The following ZBTB48 variants were observed in gnomAD, a reference collection of about 807,000 sequenced individuals.
The protein encoded by ZBTB48 is zinc finger and BTB domain-containing protein 48.
A neutral mutation model predicts 64.5 loss-of-function variants in ZBTB48; 35 were observed. That is an observed-to-expected ratio of 0.54 (90% CI 0.41 to 0.72). The LOEUF is 0.72. Among genes scored for constraint, ZBTB48 ranks in the 30% least tolerant of loss-of-function variants. ZBTB48 has a pLI of 0.00. For synonymous variants in ZBTB48, 442 were observed against 356.7 expected (o/e 1.24, Z -2.70); for missense variants, 828 against 895.3 (o/e 0.92, Z 0.96).
At position 6,588,550 on chromosome 1, in the gene ZBTB48, GT is replaced by G. The variant is rs1371972589; in HGVS notation, c.1681+110del. Reference sequence around the variant, plus strand: ...GTGAACCTCTTTTGTGCCCCACATGGTTAGAGTTGAGAGTGGACCTGCTTTG... The same window carrying G: ...GTGAACCTCTTTTGTGCCCCACATGGTAGAGTTGAGAGTGGACCTGCTTTG... On this transcript the variant is annotated intron_variant, in intron 9 of 10. Transcript: ENST00000377674. The G allele has an allele frequency of 1.1e-5, 16 of 1,450,702 alleles. No individual in the cohort carries two copies. In the East Asian group the frequency reaches 3.7e-4, roughly 34 times the overall value. The allele number at this position is 1,450,702 out of a possible 1,614,324, so 89.9% of individuals were successfully genotyped here.
At chr1:6,581,547 C>G (rs771798307) in intron 2 of ZBTB48, among the ~76,000 whole-genome samples, 1 of 151,854 alleles carries the variant, frequency 6.6e-6, no homozygotes, top group Non-Finnish European at 1.5e-5. Flanking sequence ...ACCTGTAGTC[C>G]TAGCTACTCA....
In ZBTB48 at chr1:6,584,579, C is replaced by A. The variant is rs1640593423; in HGVS notation, c.933-1340C>A. Among the ~76,000 whole-genome samples the A allele has an allele frequency of 6.6e-6, 1 of 152,264 alleles. No individual in the cohort carries two copies. The highest frequency in any genetic ancestry group is 1.5e-5 in the Non-Finnish European group (1 of 68,048). Reference sequence around the variant, plus strand: ...CTGTCCCTGTGCACCGTGTTCAGGGCAGCTGCTGCCAGTGGAATGCTGGGA... The same window carrying A: ...CTGTCCCTGTGCACCGTGTTCAGGGAAGCTGCTGCCAGTGGAATGCTGGGA... On this transcript the variant is annotated intron_variant, in intron 3 of 10. Transcript: ENST00000377674. The surrounding 1 kb of genome is among the most constrained non-coding windows in gnomAD (Gnocchi z 4.5).
rs564121615 is a variant in ZBTB48 at position 6,580,201 on chromosome 1, C to T, written c.-70+65C>T. ...CCGCCGTGGCTGCCTTCCGCTCGGC[C>T]GCTCGGGACCTGTGGGCGCGGCGTG... On this transcript the variant is annotated intron_variant, in intron 1 of 10. Coordinates refer to ENST00000377674, the MANE Select transcript of ZBTB48 (RefSeq NM_005341.4). The surrounding 1 kb of genome is among the most constrained non-coding windows in gnomAD (Gnocchi z 5.2). 451 of 197,854 alleles carry T rather than the reference C, an allele frequency of 2.3e-3. 1 individual carries two copies. The highest frequency in any genetic ancestry group is 8.8e-3 in the African/African-American group (373 of 42,318). The allele number at this position is 197,854 out of a possible 1,614,324, so 12.3% of individuals were successfully genotyped here.
At chr1:6,581,964 G>C in intron 2 of ZBTB48, 94 bp from the exon 3 acceptor site, 1 of 1,562,486 alleles carries the variant, frequency 6.4e-7, no homozygotes, top group Non-Finnish European at 8.7e-7. Context: ...ACTTGTCAGG[G>C]TTGGGGCTTG....
At position 6,581,269 on chromosome 1, in the gene ZBTB48, AG is replaced by A; in HGVS notation, c.662del (p.Gly221ValfsTer33). ...TGCCCCCAAGGCCCTTAGAGGCTGA[AG>A]GTGCCCAGCTGCAGGGCGGCAGTAA... is the stretch of plus-strand genomic sequence containing the variant. ...KVPPRPLEAE[G>X]AQLQGGSNEW... On this transcript the variant is annotated frameshift_variant, in exon 2 of 11. Coordinates refer to ENST00000377674, the MANE Select transcript of ZBTB48 (RefSeq NM_005341.4). LOFTEE classifies it high-confidence loss of function. 1 of 1,608,336 alleles carries A rather than the reference AG, an allele frequency of 6.2e-7. No homozygotes were observed.
At chr1:6,588,559 G>A in intron 9 of ZBTB48, 117 bp downstream of exon 9, 2 of 1,448,472 alleles carry the variant, frequency 1.4e-6, no homozygotes, top group Non-Finnish European at 1.8e-6. Context: ...GGTTAGAGTT[G>A]AGAGTGGACC....
At position 6,580,550 on chromosome 1, in the gene ZBTB48, C is replaced by T; in HGVS notation, c.-60C>T. ...TCTCTCTTGACTCCAGGAGCTTTCT[C>T]TTGCATACCCTCGCTTAGGCTGGCC... On this transcript the variant is annotated 5_prime_UTR_variant, in exon 2 of 11. Transcript: ENST00000377674. This position sits in a 1 kb window ranked among gnomAD's most constrained non-coding sequence, Gnocchi z 5.2. 2.6e-6 allele frequency: 4 copies of T among 1,541,560 alleles called. No individual in the cohort carries two copies. Among genetic ancestry groups the T allele is most frequent in the East Asian group, 2.3e-5 (1 of 44,264 alleles).
Position 6,587,644 on chromosome 1 carries a change from C to A in ZBTB48, c.1379+12C>A, listed in dbSNP as rs756620877. 1.2e-6 allele frequency: 2 copies of A among 1,611,832 alleles called. No homozygotes were observed. Among genetic ancestry groups the A allele is most frequent in the Admixed American group, 3.3e-5 (2 of 59,998 alleles). ...AAGGCCAAGCACAGGTGCGTGTCGC[C>A]CGTTCTCTCTTGGGGCCCAGTCCTG... On this transcript the variant is annotated intron_variant, in intron 7 of 10. Coordinates refer to ENST00000377674, the MANE Select transcript of ZBTB48 (RefSeq NM_005341.4).
In ZBTB48 at chr1:6,580,687, C is replaced by T. The variant is rs539584931; in HGVS notation, c.78C>T (p.Cys26=). 32 of 1,614,130 alleles carry T rather than the reference C, an allele frequency of 2.0e-5. No individual in the cohort carries two copies. The East Asian group carries it at 2.2e-4, about 11-fold the overall frequency. ...LNKQREKGQY[C]DATLDVGGLV... Reference sequence around the variant, plus strand: ...AGCAGCGGGAGAAGGGCCAGTACTGCGACGCCACTCTGGACGTGGGGGGCC... The same window carrying T: ...AGCAGCGGGAGAAGGGCCAGTACTGTGACGCCACTCTGGACGTGGGGGGCC... The change falls in exon 2 of 11, where the codon TGC becomes TGT. Residue 26 remains cysteine (C), a synonymous_variant. Transcript: ENST00000377674. The surrounding 1 kb of genome is among the most constrained non-coding windows in gnomAD (Gnocchi z 5.2).
chr1:6,588,597 A>G lies in ZBTB48; in HGVS notation c.1681+155A>G, dbSNP rs192841180. 5.6e-4 allele frequency: 809 copies of G among 1,441,478 alleles called. 21 individuals are homozygous for G. The East Asian group carries it at 0.013, about 24-fold the overall frequency. 89.3% of individuals were successfully genotyped at this position (1,441,478 alleles called of 1,614,324 possible). A position where few individuals can be genotyped will look rare whatever the true frequency, so the allele number is the denominator to read the frequency against. On this transcript the variant is annotated intron_variant, in intron 9 of 10. Transcript: ENST00000377674. ...CTTTGAAGGCAGGGGTGTCCTGTGC[A>G]GTAGTGACCCTGGGTGGCACTGGAG...
chr1:6,586,881 C>G, intron 5 of ZBTB48, 94 bp downstream of exon 5: 2 of 1,401,814 alleles, frequency 1.4e-6, no homozygotes, highest in Non-Finnish European at 9.8e-7. Context: ...GCACCTCCCT[C>G]ACAGTAGCTG....
In ZBTB48 at chr1:6,581,393, C is replaced by T. The variant is rs375601643; in HGVS notation, c.690+94C>T. On this transcript the variant is annotated intron_variant, in intron 2 of 10. Coordinates refer to ENST00000377674, the MANE Select transcript of ZBTB48 (RefSeq NM_005341.4). ...GGACCCTGGGCTGGGTGTGATGGCT[C>T]ACTCACGCCTGTAATCCTAGCACTT... 865 of 1,342,630 alleles carry T rather than the reference C, an allele frequency of 6.4e-4. 20 individuals carry two copies. The South Asian group carries it at 0.012, about 19-fold the overall frequency. 83.2% of individuals were successfully genotyped at this position (1,342,630 alleles called of 1,614,324 possible).
chr1:6,588,296 A>G lies in ZBTB48; in HGVS notation c.1535A>G (p.Asn512Ser), dbSNP rs1226130640. ...CCTGCAGCCAGCCTGGACAAGCACA[A>G]CCGCACCCACACCGGGGAAAGGCCC... is the stretch of plus-strand genomic sequence containing the variant. ...FRTQASLDKHNRTHTGERPFS... is the reference protein window; with the variant it reads ...FRTQASLDKHSRTHTGERPFS... Residue 512 changes from asparagine (N) to serine (S), a missense_variant, in exon 9 of 11, where the codon AAC (asparagine) becomes AGC (serine). Transcript: ENST00000377674. 1.9e-6 allele frequency: 3 copies of G among 1,607,940 alleles called. No individual in the cohort carries two copies. The highest frequency in any genetic ancestry group is 1.7e-6 in the Non-Finnish European group (2 of 1,175,530).
chr1:6,588,259 T>A lies in ZBTB48; in HGVS notation c.1517-19T>A. On this transcript the variant is annotated intron_variant, in intron 8 of 10. Coordinates refer to ENST00000377674, the MANE Select transcript of ZBTB48 (RefSeq NM_005341.4). ...CTGAGGCCAAGGCCACAGGCTGAGC[T>A]CTTGCCTTGTGCCTGCAGCCAGCCT... 6.2e-7 allele frequency: 1 copy of A among 1,609,164 alleles called. No individual in the cohort carries two copies. Among genetic ancestry groups the A allele is most frequent in the Non-Finnish European group, 8.5e-7 (1 of 1,176,496 alleles).
At chr1:6,583,603 A>AT (rs147175046) in intron 3 of ZBTB48, among the ~76,000 whole-genome samples, 1,330 of 108,646 alleles carry the variant, frequency 0.012, 17 homozygotes, top group African/African-American at 0.036. Flanking sequence ...CCAGCCTGTT[A>AT]TTTTTTTTTT....
chr1:6,582,047 T>C lies in ZBTB48; in HGVS notation c.691-11T>C. 2.5e-6 allele frequency: 4 copies of C among 1,611,810 alleles called. No individual in the cohort carries two copies. Among genetic ancestry groups the C allele is most frequent in the Non-Finnish European group, 3.4e-6 (4 of 1,178,008 alleles). On this transcript the variant is annotated splice_polypyrimidine_tract_variant and intron_variant, in intron 2 of 10. Transcript: ENST00000377674. ...TGACGCCACCCCCTCCTGCTGCCTA[T>C]TGTGCTCTAGTGGGAAGTGGTGGTT...
Position 6,586,708 on chromosome 1 carries a change from C to G in ZBTB48, c.1058C>G (p.Ser353Cys), listed in dbSNP as rs751918256. 7.0e-6 allele frequency: 11 copies of G among 1,563,198 alleles called. No homozygotes were observed. Among genetic ancestry groups the G allele is most frequent in the Non-Finnish European group, 9.5e-6 (11 of 1,153,216 alleles). Residue 353 changes from serine (S) to cysteine (C), a missense_variant, in exon 5 of 11, where the codon TCT (serine) becomes TGT (cysteine). By Grantham distance (112) the Ser-to-Cys change is moderately radical. Transcript: ENST00000377674. ...MNRSEQVFTC[S>C]VCQETFRRRM... is the part of the protein sequence containing the mutation. ...TCACACTGCCAGGTCTTCACGTGCT[C>G]TGTGTGCCAGGAGACATTCCGCCGA...
chr1:6,581,955 C>T, intron 2 of ZBTB48, 103 bp from the exon 3 acceptor site: 2 of 1,533,720 alleles, frequency 1.3e-6, no homozygotes, highest in East Asian at 2.3e-5. Flanking sequence ...GATGAAGGGA[C>T]TTGTCAGGGT....
rs1278018494 is a variant in ZBTB48, at chr1:6,584,304, G to A, written c.933-1615G>A. On this transcript the variant is annotated intron_variant, in intron 3 of 10. Transcript: ENST00000377674. This position sits in a 1 kb window ranked among gnomAD's most constrained non-coding sequence, Gnocchi z 4.5. ...CAAATCTGAAGTGGTGAGGAACCACGTGTCTCCTGGTGGCTGAATCGGGCA... is the reference window on the plus strand; with the variant it reads ...CAAATCTGAAGTGGTGAGGAACCACATGTCTCCTGGTGGCTGAATCGGGCA... Among the ~76,000 whole-genome samples the A allele has an allele frequency of 6.6e-6, 1 of 152,254 alleles. No homozygotes were observed.
Sources: allele counts gnomAD v4.1 joint callset (sites outside exome capture counted in the v4.1 genomes callset), GRCh38; gene constraint gnomAD v4.1.1; non-coding constraint Gnocchi (gnomAD v3.1); transcripts MANE v1.5; gene names NCBI Gene and HGNC (gene_info 2026-07-23, HGNC 2026-07-21).